Variants in COL5A1 observed in about 807,000 individuals in gnomAD.
The protein encoded by COL5A1 is collagen type V alpha 1 chain, also known as collagen alpha-1(V) chain.
COL5A1 carries 16 observed loss-of-function variants against 263.7 expected under a neutral mutation model. The ratio of observed to expected loss-of-function variants is 0.06; its 90% CI spans 0.04 to 0.09. The LOEUF (loss-of-function observed/expected upper bound fraction) is 0.09. Ranked by LOEUF, COL5A1 falls within the 10% of genes least tolerant of loss-of-function variation. COL5A1 has a pLI of 1.00. For synonymous variants in COL5A1, 1,012 were observed against 1,004.5 expected (o/e 1.01, Z -0.14); for missense variants, 2,036 against 2,540.5 (o/e 0.80, Z 4.27).
intron 1 of COL5A1, among the ~76,000 whole-genome samples, chr9:134,650,229 A>G (rs1423029619): frequency 6.6e-6 from 1 of 152,202 alleles, no homozygotes; most frequent in African/African-American, 2.4e-5. Flanking sequence ...GAGTGACTTA[A>G]GTTGAAAAAC....
chr9:134,795,423 A>T (rs1344560732), intron 34 of COL5A1, 108 bp downstream of exon 34: 9 of 990,380 alleles, frequency 9.1e-6, no homozygotes, highest in Non-Finnish European at 1.3e-5. Flanking sequence ...AAAAAAAAAA[A>T]AAAAGGCAGG....
intron 4 of COL5A1, among the ~76,000 whole-genome samples, chr9:134,705,273 C>A (rs1275615134): frequency 1.8e-5 from 2 of 112,618 alleles, no homozygotes; most frequent in African/African-American, 6.4e-5. Flanking sequence ...TCCTGCAGTG[C>A]AAGGCCAGGG....
intron 4 of COL5A1, among the ~76,000 whole-genome samples, chr9:134,715,052 A>C (rs941013235): frequency 2.0e-5 from 3 of 152,064 alleles, no homozygotes; most frequent in African/African-American, 2.4e-5. Flanking sequence ...CCAGGGGACC[A>C]GCGCTCAGCA....
chr9:134,652,207 A>G lies in COL5A1; in HGVS notation c.109+9911A>G, dbSNP rs1396443213. On this transcript the variant is annotated intron_variant, in intron 1 of 65. Coordinates refer to ENST00000371817, the MANE Select transcript of COL5A1 (RefSeq NM_000093.5). This position sits in a 1 kb window ranked among gnomAD's most constrained non-coding sequence, Gnocchi z 4.4. Reference sequence around the variant, plus strand: ...GCTATTTAGGGTCATAGGTCTCAGTAATGGTCGACTAGGTCAAAAAGTACT... The same window carrying G: ...GCTATTTAGGGTCATAGGTCTCAGTGATGGTCGACTAGGTCAAAAAGTACT... Among the ~76,000 whole-genome samples the G allele has an allele frequency of 6.6e-6, 1 of 152,192 alleles. No homozygotes were observed. The highest frequency in any genetic ancestry group is 2.4e-5 in the African/African-American group (1 of 41,446).
intron 4 of COL5A1, among the ~76,000 whole-genome samples, chr9:134,710,659 G>C (rs1297226891): frequency 7.8e-6 from 1 of 128,102 alleles, no homozygotes; most frequent in Non-Finnish European, 1.7e-5. Flanking sequence ...TGGGGGAGGA[G>C]CCCCCGTCTG....
chr9:134,807,248 C>A (rs762313566), intron 42 of COL5A1, among the ~76,000 whole-genome samples: 1 of 152,194 alleles, frequency 6.6e-6, no homozygotes, highest in Non-Finnish European at 1.5e-5. Context: ...TCGGTGCAGA[C>A]CATCTCAAAT....
In COL5A1 at chr9:134,785,985, C is replaced by T; in HGVS notation, c.2593-10C>T. 6.2e-7 allele frequency: 1 copy of T among 1,612,422 alleles called. No individual in the cohort carries two copies. The highest frequency in any genetic ancestry group is 8.5e-7 in the Non-Finnish European group (1 of 1,179,054). On this transcript the variant is annotated splice_polypyrimidine_tract_variant and intron_variant, in intron 30 of 65. Coordinates refer to ENST00000371817, the MANE Select transcript of COL5A1 (RefSeq NM_000093.5). Reference sequence around the variant, plus strand: ...GTGCTGGCCATTAATGCAACTCTTTCTTCCCCCAGGGAAAACTCGGAGTCC... The same window carrying T: ...GTGCTGGCCATTAATGCAACTCTTTTTTCCCCCAGGGAAAACTCGGAGTCC...
intron 1 of COL5A1, among the ~76,000 whole-genome samples, chr9:134,670,740 T>G (rs1321841845): frequency 1.3e-5 from 2 of 152,206 alleles, no homozygotes. Context: ...AAGGGAATCT[T>G]CTAGAACCCA....
intron 1 of COL5A1, among the ~76,000 whole-genome samples, chr9:134,660,559 A>G (rs1167470779): frequency 6.6e-6 from 1 of 152,238 alleles, no homozygotes; most frequent in Admixed American, 6.5e-5. Flanking sequence ...CTCAAACTTC[A>G]GTGTCTAGCT....
chr9:134,738,638 G>A (rs1835189439), intron 10 of COL5A1, 108 bp from the exon 11 acceptor site: 1 of 1,535,474 alleles, frequency 6.5e-7, no homozygotes. Context: ...GATCCCCTGG[G>A]AGCCGGCGCT....
In COL5A1 at chr9:134,700,879, G is replaced by A. The variant is rs972317913; in HGVS notation, c.492-292G>A. On this transcript the variant is annotated intron_variant, in intron 3 of 65. Transcript: ENST00000371817. This position sits in a 1 kb window ranked among gnomAD's most constrained non-coding sequence, Gnocchi z 4.0. ...CACTCCTGGGTCCCGAGCCAGTGCC[G>A]AGTGCTGTGTGCTCCCCCTTCCCCC... Among the ~76,000 whole-genome samples the A allele has an allele frequency of 3.9e-5, 6 of 152,142 alleles. No homozygotes were observed. The highest frequency in any genetic ancestry group is 1.2e-4 in the African/African-American group (5 of 41,428).
chr9:134,823,063 T>C (rs1406696315), intron 60 of COL5A1, 30 bp downstream of exon 60: 1 of 1,613,272 alleles, frequency 6.2e-7, no homozygotes. Context: ...GCCAGGCCAA[T>C]GCCTGGAAGG....
chr9:134,781,897 C>T (rs1451886564), intron 28 of COL5A1, among the ~76,000 whole-genome samples: 3 of 152,184 alleles, frequency 2.0e-5, no homozygotes, highest in Non-Finnish European at 4.4e-5. Context: ...TGTTTACGAC[C>T]GGCTGAGTCC....
intron 34 of COL5A1, 121 bp downstream of exon 34, chr9:134,795,436 A>G (rs1837870822): frequency 5.9e-6 from 5 of 849,154 alleles, no homozygotes; most frequent in East Asian, 2.6e-5. Context: ...AAGGCAGGAC[A>G]TTTTCTTAGG....
At chr9:134,824,386 G>A (rs1186109699) in intron 61 of COL5A1, among the ~76,000 whole-genome samples, 1 of 152,220 alleles carries the variant, frequency 6.6e-6, no homozygotes, top group Non-Finnish European at 1.5e-5. Context: ...GCTCCATGCT[G>A]GCAAGCACCT....
intron 64 of COL5A1, among the ~76,000 whole-genome samples, chr9:134,832,003 G>A (rs1287733636): frequency 6.6e-6 from 1 of 152,188 alleles, no homozygotes; most frequent in Non-Finnish European, 1.5e-5. Context: ...AGGGGCTCAT[G>A]CTTATAATCC....
intron 4 of COL5A1, among the ~76,000 whole-genome samples, chr9:134,706,350 C>A (rs956593919): frequency 6.6e-6 from 1 of 152,172 alleles, no homozygotes; most frequent in Non-Finnish European, 1.5e-5. Context: ...GGGCTCCCCC[C>A]AGTGCAGGAA....
intron 4 of COL5A1, among the ~76,000 whole-genome samples, chr9:134,722,402 T>G (rs1441726555): frequency 1.3e-5 from 2 of 152,218 alleles, no homozygotes; most frequent in Non-Finnish European, 2.9e-5. Context: ...GGGTGCTGTG[T>G]GCCCACAAGC....
rs1833627405 is a variant in COL5A1 at position 134,700,364 on chromosome 9, G to A, written c.491+242G>A. On this transcript the variant is annotated intron_variant, in intron 3 of 65. Coordinates refer to ENST00000371817, the MANE Select transcript of COL5A1 (RefSeq NM_000093.5). This position sits in a 1 kb window ranked among gnomAD's most constrained non-coding sequence, Gnocchi z 4.0. Reference sequence around the variant, plus strand: ...CTCCCTGGCCCTCCATTATCCCTTTGTAAAGTGCACTAAAGCACATCAAAT... The same window carrying A: ...CTCCCTGGCCCTCCATTATCCCTTTATAAAGTGCACTAAAGCACATCAAAT... Among the ~76,000 whole-genome samples the A allele has an allele frequency of 6.6e-6, 1 of 152,164 alleles. No homozygotes were observed. Among genetic ancestry groups the A allele is most frequent in the Admixed American group, 6.5e-5 (1 of 15,270 alleles).
Sources: gnomAD v4.1 joint callset for allele counts (sites outside exome capture counted in the v4.1 genomes callset) on GRCh38, gnomAD v4.1.1 for gene constraint, Gnocchi (gnomAD v3.1) non-coding constraint, MANE v1.5 for transcripts, NCBI Gene and HGNC (gene_info 2026-07-23, HGNC 2026-07-21) for gene names.